The following LRP1B variants were observed in gnomAD, a reference collection of about 807,000 sequenced individuals.
LRP1B encodes the protein LDL receptor related protein 1B.
Under a neutral mutation model 556.6 loss-of-function variants are expected in LRP1B, and 217 were observed. The observed-to-expected ratio is 0.39, with a 90% CI of 0.35 to 0.44. The LOEUF is 0.44. LRP1B is among the 20% of genes least tolerant of loss of function. The pLI is 1.00. For synonymous variants in LRP1B, 2,047 were observed against 1,865.8 expected (o/e 1.10, Z -2.50); for missense variants, 5,053 against 5,620.8 (o/e 0.90, Z 3.23).
chr2:140,279,339 C>CTGATGGT (rs988307370), intron 84 of LRP1B, among the ~76,000 whole-genome samples: 52 of 152,094 alleles, frequency 3.4e-4, no homozygotes, highest in African/African-American at 1.2e-3. Context: ...TTTGAAACAT[C>CTGATGGT]TGATGGTGTT....
intron 41 of LRP1B, among the ~76,000 whole-genome samples, chr2:140,655,250 A>T (rs950983895): frequency 2.6e-5 from 4 of 152,136 alleles, no homozygotes; most frequent in African/African-American, 9.7e-5. Context: ...CATTCTTATA[A>T]AGTACAGTGG....
At chr2:140,499,993 A>G (rs1474709937) in intron 55 of LRP1B, among the ~76,000 whole-genome samples, 1 of 151,984 alleles carries the variant, frequency 6.6e-6, no homozygotes, top group African/African-American at 2.4e-5. Context: ...CAAGTGATCA[A>G]TAACATTTCT....
At chr2:140,435,338 A>T (rs1686127484) in intron 66 of LRP1B, among the ~76,000 whole-genome samples, 1 of 152,198 alleles carries the variant, frequency 6.6e-6, no homozygotes, top group African/African-American at 2.4e-5. Context: ...AGAGAACTGA[A>T]TATACTTGGC....
In LRP1B at chr2:140,334,439, G is replaced by A. The variant is rs746778326; in HGVS notation, c.12223+14C>T. The A allele has an allele frequency of 1.3e-6, 2 of 1,491,062 alleles. No individual in the cohort carries two copies. Among genetic ancestry groups the A allele is most frequent in the South Asian group, 1.1e-5 (1 of 88,590 alleles). The allele number at this position is 1,491,062 out of a possible 1,614,324, so 92.4% of individuals were successfully genotyped here. A position where few individuals can be genotyped will look rare whatever the true frequency, so the allele number is the denominator to read the frequency against. On this transcript the variant is annotated intron_variant, in intron 79 of 90. Coordinates refer to ENST00000389484, the MANE Select transcript of LRP1B (RefSeq NM_018557.3). Reference sequence around the variant, plus strand: ...CATTCTGCTTCATATTTTAGCGTGTGTCAGAAATCATACCTGTGGGTCTCT... The same window carrying A: ...CATTCTGCTTCATATTTTAGCGTGTATCAGAAATCATACCTGTGGGTCTCT...
chr2:142,004,630 G>A (rs539363006), intron 1 of LRP1B, among the ~76,000 whole-genome samples: 27 of 152,130 alleles, frequency 1.8e-4, no homozygotes, highest in East Asian at 1.2e-3. Context: ...TGGATCACCC[G>A]GGGTCAGGAG....
intron 1 of LRP1B, among the ~76,000 whole-genome samples, chr2:141,844,201 C>T (rs1697567260): frequency 6.6e-6 from 1 of 152,136 alleles, no homozygotes; most frequent in African/African-American, 2.4e-5. Flanking sequence ...CAAACATCTA[C>T]TTACCTTCTA....
intron 55 of LRP1B, among the ~76,000 whole-genome samples, chr2:140,496,300 G>A (rs1688934086): frequency 6.6e-6 from 1 of 151,978 alleles, no homozygotes; most frequent in South Asian, 2.1e-4. Context: ...TCTTTAGTTA[G>A]TAGATGAGAA....
chr2:140,593,273 A>C (rs1014610460), intron 43 of LRP1B, among the ~76,000 whole-genome samples: 1 of 152,180 alleles, frequency 6.6e-6, no homozygotes, highest in Non-Finnish European at 1.5e-5. Flanking sequence ...TCCAATTTCT[A>C]GGAACATAAA....
chr2:140,584,084 G>T (rs1681887466), intron 43 of LRP1B, among the ~76,000 whole-genome samples: 1 of 151,936 alleles, frequency 6.6e-6, no homozygotes, highest in African/African-American at 2.4e-5. Context: ...TGTTCTCAGA[G>T]AGTCAAACAC....
chr2:140,678,342 T>C (rs935582094), intron 41 of LRP1B, among the ~76,000 whole-genome samples: 79 of 152,304 alleles, frequency 5.2e-4, no homozygotes, highest in African/African-American at 1.9e-3. Flanking sequence ...AATAAGAAGC[T>C]AATAAAATGT....
chr2:140,449,879 A>G (rs1300629170), intron 63 of LRP1B, among the ~76,000 whole-genome samples: 2 of 152,144 alleles, frequency 1.3e-5, no homozygotes, highest in Non-Finnish European at 2.9e-5. Flanking sequence ...AGCATCTTCA[A>G]TCTGACAGTG....
intron 41 of LRP1B, among the ~76,000 whole-genome samples, chr2:140,661,365 A>G (rs1685085254): frequency 6.6e-6 from 1 of 152,058 alleles, no homozygotes; most frequent in Admixed American, 6.6e-5. Context: ...AGAGAAAGTT[A>G]GTTTAAAAAT....
At chr2:140,921,824 G>A (rs2105255920) in intron 21 of LRP1B, among the ~76,000 whole-genome samples, 1 of 152,028 alleles carries the variant, frequency 6.6e-6, no homozygotes, top group South Asian at 2.1e-4. Flanking sequence ...TAACCAAGAG[G>A]CATGTTTAAG....
chr2:141,761,138 T>G (rs962893926), intron 2 of LRP1B, among the ~76,000 whole-genome samples: 14 of 152,180 alleles, frequency 9.2e-5, no homozygotes, highest in African/African-American at 3.1e-4. Flanking sequence ...GAAACACTCT[T>G]CATTAAGTTC....
At chr2:141,700,561 C>T (rs1249156806) in intron 2 of LRP1B, among the ~76,000 whole-genome samples, 1 of 151,618 alleles carries the variant, frequency 6.6e-6, no homozygotes, top group Non-Finnish European at 1.5e-5. Context: ...AAACAATAGC[C>T]CAAAGTGAAG....
chr2:141,915,322 C>A (rs576488679), intron 1 of LRP1B, among the ~76,000 whole-genome samples: 15 of 152,224 alleles, frequency 9.9e-5, no homozygotes, highest in African/African-American at 3.6e-4. Context: ...GAACCTTTCA[C>A]CATATACAAC....
At chr2:141,843,973 C>A (rs1302855835) in intron 1 of LRP1B, among the ~76,000 whole-genome samples, 1 of 152,086 alleles carries the variant, frequency 6.6e-6, no homozygotes, top group Non-Finnish European at 1.5e-5. Context: ...AAATGGGGAT[C>A]CTAAGGCTTT....
intron 41 of LRP1B, among the ~76,000 whole-genome samples, chr2:140,627,479 C>T (rs1314565186): frequency 8.5e-5 from 13 of 152,142 alleles, no homozygotes; most frequent in African/African-American, 2.9e-4. Flanking sequence ...ACTCTTGGAC[C>T]TACACCAGTG....
At chr2:141,478,577 T>C (rs998242811) in intron 3 of LRP1B, among the ~76,000 whole-genome samples, 5 of 151,426 alleles carry the variant, frequency 3.3e-5, no homozygotes, top group Admixed American at 2.0e-4. Flanking sequence ...GAAGTTTTAC[T>C]CAGTCACCCA....
Sources: allele counts gnomAD v4.1 joint callset (sites outside exome capture counted in the v4.1 genomes callset), GRCh38; gene constraint gnomAD v4.1.1; transcripts MANE v1.5; gene names NCBI Gene and HGNC (gene_info 2026-07-23, HGNC 2026-07-21).